The following HOOK3 variants were observed in gnomAD, a reference collection of about 807,000 sequenced individuals.
The protein encoded by HOOK3 is protein Hook homolog 3.
HOOK3 carries 24 observed loss-of-function variants against 116.3 expected under a neutral mutation model. That is an observed-to-expected ratio of 0.21 (90% CI 0.15 to 0.29). The LOEUF is 0.29. Ranked by LOEUF, HOOK3 falls within the 10% of genes least tolerant of loss-of-function variation. The pLI is 1.00. For missense variants in HOOK3, 632 were observed against 830.2 expected (o/e 0.76, Z 2.93); for synonymous variants, 275 against 283.0 (o/e 0.97, Z 0.28).
At chr8:42,906,927 AT>A (rs1199732139) in intron 2 of HOOK3, among the ~76,000 whole-genome samples, 1 of 152,222 alleles carries the variant, frequency 6.6e-6, no homozygotes, top group Non-Finnish European at 1.5e-5. Context: ...TTTAATATGC[AT>A]TGTGGGTGTT....
rs1809969236 is a variant in HOOK3, at chr8:43,028,267, T to A, written c.*9769T>A. On this transcript the variant is annotated 3_prime_UTR_variant, in exon 22 of 22. Coordinates refer to ENST00000307602, the MANE Select transcript of HOOK3 (RefSeq NM_032410.4). ...TACTCCAGAGGTCGAGGCAGGAGCA[T>A]CGCTTAAGCCCAGGAGGTTCAGGCT... 1 of 184,498 alleles carries A rather than the reference T, an allele frequency of 5.4e-6. No individual in the cohort carries two copies. Among genetic ancestry groups the A allele is most frequent in the Non-Finnish European group, 1.1e-5 (1 of 87,150 alleles). 11.4% of individuals were successfully genotyped at this position (184,498 alleles called of 1,614,324 possible). A position where few individuals can be genotyped will look rare whatever the true frequency, so the allele number is the denominator to read the frequency against.
chr8:42,928,763 C>T (rs187355541), intron 3 of HOOK3, among the ~76,000 whole-genome samples: 40 of 152,222 alleles, frequency 2.6e-4, no homozygotes, highest in Non-Finnish European at 5.0e-4. Flanking sequence ...GATATACGAC[C>T]GGGCACAGTG....
intron 13 of HOOK3, among the ~76,000 whole-genome samples, chr8:42,982,128 G>A (rs1434841436): frequency 4.7e-5 from 7 of 150,006 alleles, no homozygotes; most frequent in South Asian, 2.1e-4. Context: ...GGTGGCGGGC[G>A]CCTGTAATCC....
At chr8:42,956,993 A>G (rs1327372485) in intron 6 of HOOK3, 101 bp from the exon 7 acceptor site, 3 of 567,654 alleles carry the variant, frequency 5.3e-6, no homozygotes, top group Non-Finnish European at 9.0e-6. Context: ...TTTAATTTTT[A>G]TATTTCTATA....
intron 3 of HOOK3, among the ~76,000 whole-genome samples, chr8:42,929,760 G>A (rs980040236): frequency 6.6e-6 from 1 of 151,868 alleles, no homozygotes; most frequent in African/African-American, 2.4e-5. Context: ...ACTTTTCTAG[G>A]GAGAATAGCT....
chr8:42,962,477 G>A (rs919110120), intron 8 of HOOK3, among the ~76,000 whole-genome samples: 3 of 150,702 alleles, frequency 2.0e-5, no homozygotes, highest in Non-Finnish European at 2.9e-5. Flanking sequence ...TGTGATCGTG[G>A]CTCACTATAG....
chr8:42,976,493 A>G (rs563161197), intron 13 of HOOK3, among the ~76,000 whole-genome samples: 1 of 152,186 alleles, frequency 6.6e-6, no homozygotes, highest in East Asian at 1.9e-4. Context: ...CTGGACAACA[A>G]AAAGGAAAAG....
At chr8:42,973,534 G>A in intron 12 of HOOK3, 135 bp downstream of exon 12, 1 of 593,256 alleles carries the variant, frequency 1.7e-6, no homozygotes, top group Non-Finnish European at 2.8e-6. Context: ...TAAGCTGTAG[G>A]AGAATTCCAT....
intron 2 of HOOK3, among the ~76,000 whole-genome samples, chr8:42,916,710 C>A (rs1807540415): frequency 6.6e-6 from 1 of 152,122 alleles, no homozygotes; most frequent in South Asian, 2.1e-4. Flanking sequence ...AGTCACTAAT[C>A]AATGCTATTT....
In HOOK3 at chr8:43,002,136, A is replaced by G; in HGVS notation, c.1650A>G (p.Glu550=). ...DSVLLKKKLE[E]HLEKLHEANN... is the part of the protein sequence containing the mutation. ...TCCTTCTAAAAAAGAAGCTTGAAGA[A>G]CATCTGTAAGTATAAAAGCTGTTGA... The change falls in exon 17 of 22, where the codon GAA becomes GAG. Residue 550 remains glutamate, a synonymous_variant. Transcript: ENST00000307602. The G allele has an allele frequency of 6.3e-7, 1 of 1,596,378 alleles. No individual in the cohort carries two copies. Among genetic ancestry groups the G allele is most frequent in the Non-Finnish European group, 8.6e-7 (1 of 1,164,152 alleles).
At chr8:42,981,883 CAA>C (rs11348838) in intron 13 of HOOK3, among the ~76,000 whole-genome samples, 160 of 108,096 alleles carry the variant, frequency 1.5e-3, no homozygotes, top group East Asian at 1.9e-3. Flanking sequence ...GACTCTGTCT[CAA>C]AAAAAAAAAA....
chr8:42,923,945 ATACT>A (rs1270485120), intron 2 of HOOK3, among the ~76,000 whole-genome samples: 27 of 152,368 alleles, frequency 1.8e-4, no homozygotes, highest in Non-Finnish European at 3.1e-4. Flanking sequence ...TTAAAAAAAT[ATACT>A]TACTACCTAA....
intron 1 of HOOK3, among the ~76,000 whole-genome samples, chr8:42,902,686 G>A (rs1032512303): frequency 2.0e-5 from 3 of 152,114 alleles, no homozygotes; most frequent in Admixed American, 2.0e-4. Context: ...TCATTCTGAA[G>A]CAACACACCC....
At chr8:43,011,231 G>C (rs2130488027) in intron 19 of HOOK3, among the ~76,000 whole-genome samples, 1 of 152,196 alleles carries the variant, frequency 6.6e-6, no homozygotes, top group Non-Finnish European at 1.5e-5. Flanking sequence ...CTGACCTCGT[G>C]ATCCGCCCGC....
At chr8:42,902,792 G>T (rs184810639) in intron 1 of HOOK3, among the ~76,000 whole-genome samples, 55 of 152,244 alleles carry the variant, frequency 3.6e-4, no homozygotes, top group Admixed American at 3.2e-3. Flanking sequence ...GCAAAACTAG[G>T]GATTAGAATT....
chr8:42,938,217 C>CTTTTTTTTTTTTTTTTTTTTTTTTT (rs145868661), intron 4 of HOOK3, among the ~76,000 whole-genome samples: 5 of 132,288 alleles, frequency 3.8e-5, no homozygotes, highest in African/African-American at 1.4e-4. Context: ...GCAACCCCTG[C>CTTTTTTTTTTTTTTTTTTTTTTTTT]TTTTTTTTTT....
chr8:42,959,396 TA>T (rs1808495234), intron 8 of HOOK3, 82 bp downstream of exon 8: 2 of 925,032 alleles, frequency 2.2e-6, no homozygotes, highest in African/African-American at 3.3e-5. Context: ...TGTCATACAG[TA>T]CATCTTAACT....
chr8:43,005,692 A>G lies in HOOK3; in HGVS notation c.1656-2155A>G, dbSNP rs1409644604. On this transcript the variant is annotated intron_variant, in intron 17 of 21. Transcript: ENST00000307602. ...ATTTTTATTTTTATGTTTTTAAACT[A>G]TATTTATTTATTTATTTATTTTGAG... Among the ~76,000 whole-genome samples the G allele has an allele frequency of 4.0e-5, 6 of 151,448 alleles. No individual in the cohort carries two copies. In the East Asian group the frequency reaches 7.8e-4, roughly 20 times the overall value.
chr8:42,948,054 G>GT (rs1185571342), intron 5 of HOOK3, among the ~76,000 whole-genome samples: 1 of 152,084 alleles, frequency 6.6e-6, no homozygotes, highest in Non-Finnish European at 1.5e-5. Context: ...AAGATTAGTA[G>GT]TAGAAGACAC....
Sources: allele counts gnomAD v4.1 joint callset (sites outside exome capture counted in the v4.1 genomes callset), GRCh38; gene constraint gnomAD v4.1.1; transcripts MANE v1.5; gene names NCBI Gene and HGNC (gene_info 2026-07-23, HGNC 2026-07-21).